BRIX1: variants seen among roughly 807,000 people sequenced by gnomAD.
BRIX1 encodes the protein biogenesis of ribosomes BRX1.
Under a neutral mutation model 44.0 loss-of-function variants are expected in BRIX1, and 15 were observed. The observed-to-expected ratio is 0.34, with a 90% CI of 0.23 to 0.53. The LOEUF is 0.53. Ranked by LOEUF, BRIX1 falls within the 20% of genes least tolerant of loss-of-function variation. BRIX1 has a pLI of 0.95. For missense variants in BRIX1, 420 were observed against 432.8 expected (o/e 0.97, Z 0.26); for synonymous variants, 149 against 135.4 (o/e 1.10, Z -0.70).
chr5:34,918,610 G>T, intron 2 of BRIX1, 135 bp downstream of exon 2: 1 of 482,032 alleles, frequency 2.1e-6, no homozygotes, highest in South Asian at 5.0e-5. Context: ...CCTTTCAAGT[G>T]CCACAATTTT....
intron 2 of BRIX1, 102 bp downstream of exon 2, chr5:34,918,577 G>GA (rs1164680371): frequency 1.1e-5 from 7 of 628,150 alleles, no homozygotes; most frequent in Non-Finnish European, 1.5e-5. Flanking sequence ...GTGTTCTCAC[G>GA]AAAAAAACAC....
Position 34,922,260 on chromosome 5 carries a change from C to T in BRIX1, c.359C>T (p.Ala120Val), listed in dbSNP as rs1338978809. 1 of 1,590,526 alleles carries T rather than the reference C, an allele frequency of 6.3e-7. No homozygotes were observed. Among genetic ancestry groups the T allele is most frequent in the South Asian group, 1.1e-5 (1 of 88,270 alleles). ...KNCNKCIYFEAKKKQDLYMWL... is the reference protein window; with the variant it reads ...KNCNKCIYFEVKKKQDLYMWL... ...TGTAATAAATGCATCTATTTTGAAG[C>T]TAAGAAAAAACAGGATCTCTATATG... is the stretch of plus-strand genomic sequence containing the variant. Residue 120 changes from alanine to valine, a missense_variant, in exon 4 of 10, where the codon GCT becomes GTT. By Grantham distance (64) the Ala-to-Val change is moderately conservative. Transcript: ENST00000336767.
Position 34,925,510 on chromosome 5 carries a change from G to A in BRIX1, c.*15G>A, listed in dbSNP as rs1580514335. On this transcript the variant is annotated 3_prime_UTR_variant, in exon 10 of 10. Coordinates refer to ENST00000336767, the MANE Select transcript of BRIX1 (RefSeq NM_018321.4). ...AAACAAAATAAGTCAATGGAAACCTGATTTGTTTTTCAGTTACTTTATATT... is the reference window on the plus strand; with the variant it reads ...AAACAAAATAAGTCAATGGAAACCTAATTTGTTTTTCAGTTACTTTATATT... 1 of 1,594,482 alleles carries A rather than the reference G, an allele frequency of 6.3e-7. No individual in the cohort carries two copies. Among genetic ancestry groups the A allele is most frequent in the Middle Eastern group, 1.7e-4 (1 of 5,966 alleles).
Position 34,916,012 on chromosome 5 carries a change from T to A in BRIX1, c.159+115T>A, listed in dbSNP as rs539951433. Reference sequence around the variant, plus strand: ...TTCAGAGTAGCCCGGGTGTTAACGGTAGGTCGGTTTTAGCAATTCTCCCGG... The same window carrying A: ...TTCAGAGTAGCCCGGGTGTTAACGGAAGGTCGGTTTTAGCAATTCTCCCGG... On this transcript the variant is annotated intron_variant, in intron 1 of 9. Transcript: ENST00000336767. The A allele has an allele frequency of 2.7e-5, 34 of 1,281,896 alleles. No individual in the cohort carries two copies. In the South Asian group the frequency reaches 5.2e-4, roughly 20 times the overall value. 79.4% of individuals were successfully genotyped at this position (1,281,896 alleles called of 1,614,324 possible).
chr5:34,925,062 C>G, intron 9 of BRIX1, 87 bp downstream of exon 9: 1 of 1,506,580 alleles, frequency 6.6e-7, no homozygotes, highest in Non-Finnish European at 8.9e-7. Flanking sequence ...GTTTTATTAC[C>G]TGTGAAACTG....
chr5:34,925,671 T>G lies in BRIX1; in HGVS notation c.*176T>G. On this transcript the variant is annotated 3_prime_UTR_variant, in exon 10 of 10. Coordinates refer to ENST00000336767, the MANE Select transcript of BRIX1 (RefSeq NM_018321.4). The stretch of plus-strand genomic sequence containing the variant: ...TTTTCTAAATAAAATATCACCAGAA[T>G]TCATCAGTTAATTTCTGATTTCTTT... 2 of 556,730 alleles carry G rather than the reference T, an allele frequency of 3.6e-6. No homozygotes were observed. Among genetic ancestry groups the G allele is most frequent in the East Asian group, 6.3e-5 (2 of 31,686 alleles). 34.5% of individuals were successfully genotyped at this position (556,730 alleles called of 1,614,324 possible). A position where few individuals can be genotyped will look rare whatever the true frequency, so the allele number is the denominator to read the frequency against.
At chr5:34,920,261 T>G (rs1764212114) in intron 3 of BRIX1, 1 of 153,946 alleles carries the variant, frequency 6.5e-6, no homozygotes, top group African/African-American at 2.4e-5. Context: ...AAAAGTGTTT[T>G]GCCAGTATTA....
intron 3 of BRIX1, chr5:34,920,833 T>G (rs890891301): frequency 1.7e-4 from 25 of 150,540 alleles, no homozygotes; most frequent in East Asian, 1.9e-4. Context: ...AAAGTTTTGT[T>G]TTTTTTTTTT....
intron 8 of BRIX1, 29 bp downstream of exon 8, chr5:34,923,263 C>G: frequency 6.9e-7 from 1 of 1,455,520 alleles, no homozygotes; most frequent in South Asian, 1.1e-5. Flanking sequence ...TTAATTATAC[C>G]TTTTTTTTAA....
chr5:34,915,815 C>G lies in BRIX1; in HGVS notation c.77C>G (p.Ala26Gly), dbSNP rs1422825146. 3.8e-6 allele frequency: 6 copies of G among 1,579,022 alleles called. No individual in the cohort carries two copies. The highest frequency in any genetic ancestry group is 1.2e-5 in the South Asian group (1 of 86,334). Residue 26 changes from alanine (A) to glycine (G), a missense_variant, in exon 1 of 10, where the codon GCG becomes GGG. Physicochemically the swap from Ala to Gly is moderately conservative, Grantham distance 60 (BLOSUM62 0). Transcript: ENST00000336767. ...AAGCCAAAAAGAAACGAAATAGATG[C>G]GGAGCCGCCAGCTAAGCGGCACGCC... Reference protein sequence around the residue: ...AKKPKRNEIDAEPPAKRHATA... With the variant: ...AKKPKRNEIDGEPPAKRHATA...
intron 1 of BRIX1, among the ~76,000 whole-genome samples, chr5:34,917,425 A>C (rs1185097909): frequency 6.6e-6 from 1 of 151,744 alleles, no homozygotes; most frequent in African/African-American, 2.4e-5. Flanking sequence ...CTAGGTCAGG[A>C]GTTCAAGACC....
intron 6 of BRIX1, 105 bp from the exon 7 acceptor site, chr5:34,922,895 AG>A: frequency 8.2e-7 from 1 of 1,213,418 alleles, no homozygotes; most frequent in Non-Finnish European, 1.2e-6. Flanking sequence ...CAATTCTTTC[AG>A]GTACATTTAT....
intron 8 of BRIX1, 138 bp downstream of exon 8, chr5:34,923,372 C>T (rs1160927290): frequency 1.1e-5 from 7 of 651,326 alleles, no homozygotes; most frequent in East Asian, 5.4e-5. Context: ...CTCCACCTCC[C>T]GGGTTCAAGC....
At chr5:34,916,866 G>C (rs778904906) in intron 1 of BRIX1, 1 of 152,166 alleles carries the variant, frequency 6.6e-6, no homozygotes, top group African/African-American at 2.4e-5. Flanking sequence ...CTGCAGATTG[G>C]GGGGCAGGGG....
In BRIX1 at chr5:34,915,835, C is replaced by G; in HGVS notation, c.97C>G (p.His33Asp). 2 of 1,570,322 alleles carry G rather than the reference C, an allele frequency of 1.3e-6. No homozygotes were observed. The highest frequency in any genetic ancestry group is 1.7e-6 in the Non-Finnish European group (2 of 1,157,526). ...AGATGCGGAGCCGCCAGCTAAGCGG[C>G]ACGCCACAGCAGAGGAGGTGGAGGA... ...EIDAEPPAKRHATAEEVEEEE... is the reference protein window; with the variant it reads ...EIDAEPPAKRDATAEEVEEEE... Residue 33 changes from histidine (H) to aspartate (D), a missense_variant, in exon 1 of 10, where the codon CAC (histidine) becomes GAC (aspartate). By Grantham distance (81) the His-to-Asp change is moderately conservative. Coordinates refer to ENST00000336767, the MANE Select transcript of BRIX1 (RefSeq NM_018321.4).
intron 3 of BRIX1, chr5:34,920,223 C>CAT (rs747201999): frequency 2.3e-4 from 37 of 159,736 alleles, no homozygotes; most frequent in East Asian, 1.4e-3. Context: ...GTCCATTAAA[C>CAT]ATATATATAT....
intron 1 of BRIX1, among the ~76,000 whole-genome samples, chr5:34,917,533 G>C (rs554323728): frequency 1.3e-5 from 2 of 152,000 alleles, no homozygotes; most frequent in South Asian, 4.2e-4. Context: ...CCAGCTACTC[G>C]GGAGTCTGAG....
At chr5:34,916,481 G>T (rs1317670571) in intron 1 of BRIX1, 1 of 152,166 alleles carries the variant, frequency 6.6e-6, no homozygotes, top group African/African-American at 2.4e-5. Context: ...GCTTCCTTTG[G>T]GTTTGAGATT....
intron 6 of BRIX1, 109 bp downstream of exon 6, chr5:34,922,877 T>C (rs911256782): frequency 3.2e-6 from 4 of 1,252,624 alleles, no homozygotes; most frequent in Non-Finnish European, 4.6e-6. Flanking sequence ...CTTGGTTTTA[T>C]GGATTATCAA....
Sources: allele counts gnomAD v4.1 joint callset (sites outside exome capture counted in the v4.1 genomes callset), GRCh38; gene constraint gnomAD v4.1.1; transcripts MANE v1.5; gene names NCBI Gene and HGNC (gene_info 2026-07-23, HGNC 2026-07-21).